SHQ1: variants seen among roughly 807,000 people sequenced by gnomAD.
The protein encoded by SHQ1 is SHQ1, H/ACA ribonucleoprotein assembly factor.
In SHQ1, 49 loss-of-function variants were observed where a neutral mutation model predicts 53.8. The observed-to-expected ratio is 0.91, with a 90% CI of 0.72 to 1.16. SHQ1 has a LOEUF of 1.16. SHQ1 is among the 50% of genes most tolerant of loss of function. SHQ1 has a pLI of 0.00. For synonymous variants in SHQ1, 243 were observed against 251.0 expected (o/e 0.97, Z 0.30); for missense variants, 738 against 683.1 (o/e 1.08, Z -0.90).
At chr3:72,846,059 G>GT (rs1485420879) in intron 1 of SHQ1, among the ~76,000 whole-genome samples, 1 of 152,066 alleles carries the variant, frequency 6.6e-6, no homozygotes, top group African/African-American at 2.4e-5. Flanking sequence ...CTATCCAAGC[G>GT]TTACTATGAG....
intron 9 of SHQ1, among the ~76,000 whole-genome samples, chr3:72,803,578 G>C (rs1437629151): frequency 3.9e-5 from 6 of 152,158 alleles, no homozygotes; most frequent in Non-Finnish European, 1.5e-5. Flanking sequence ...CCCTACAAAA[G>C]GGCTCCCCTC....
At chr3:72,729,013 A>G in the SHQ1 span, among the ~76,000 whole-genome samples, 1 of 152,206 alleles carries the variant, frequency 6.6e-6, no homozygotes, top group East Asian at 1.9e-4. Context: ...GACAAACCTC[A>G]CGTCCCATCT....
At chr3:72,752,881 T>A (rs1204891603) in intron 10 of SHQ1, 1 of 573,948 alleles carries the variant, frequency 1.7e-6, no homozygotes, top group Non-Finnish European at 2.2e-6. Flanking sequence ...GCCGAGATGG[T>A]CTTGATCTCC....
At chr3:72,813,051 A>G (rs940299771) in intron 8 of SHQ1, among the ~76,000 whole-genome samples, 5 of 152,260 alleles carry the variant, frequency 3.3e-5, no homozygotes, top group Non-Finnish European at 5.9e-5. Context: ...ATAAAGTCCT[A>G]AAGATTACAA....
chr3:72,762,421 T>C (rs1489378994), intron 10 of SHQ1, among the ~76,000 whole-genome samples: 1 of 152,166 alleles, frequency 6.6e-6, no homozygotes, highest in Non-Finnish European at 1.5e-5. Context: ...CCAGATCAAA[T>C]TCACAGAGAT....
At chr3:72,822,969 G>A (rs539667651) in intron 6 of SHQ1, among the ~76,000 whole-genome samples, 5 of 152,188 alleles carry the variant, frequency 3.3e-5, no homozygotes, top group African/African-American at 1.2e-4. Flanking sequence ...CTAACAGGGT[G>A]AAACCCCGTC....
chr3:72,771,360 G>A (rs1027360473), intron 10 of SHQ1, among the ~76,000 whole-genome samples: 4 of 152,200 alleles, frequency 2.6e-5, no homozygotes, highest in Non-Finnish European at 5.9e-5. Context: ...TTAGTAACAG[G>A]TGGATGGGAT....
intron 6 of SHQ1, 22 bp downstream of exon 6, chr3:72,824,402 T>G (rs1455346548): frequency 6.2e-7 from 1 of 1,608,444 alleles, no homozygotes; most frequent in Non-Finnish European, 8.5e-7. Context: ...TGAAACAAAT[T>G]AGCCGAATTT....
intron 8 of SHQ1, among the ~76,000 whole-genome samples, chr3:72,813,459 C>T (rs1455555987): frequency 1.7e-4 from 23 of 132,146 alleles, no homozygotes; most frequent in African/African-American, 6.7e-4. Context: ...GAGTGAGACT[C>T]CATCTCAAAA....
the SHQ1 span, among the ~76,000 whole-genome samples, chr3:72,742,819 G>A: frequency 1.3e-5 from 2 of 151,962 alleles, no homozygotes; most frequent in Non-Finnish European, 2.9e-5. Flanking sequence ...TAGAGATGGG[G>A]TTTTGCCATG....
At chr3:72,773,494 A>AAAAAAAAAAAAAAG in intron 10 of SHQ1, 1 of 263,442 alleles carries the variant, frequency 3.8e-6, no homozygotes, top group African/African-American at 2.4e-5. Context: ...AAAAAAAAAA[A>AAAAAAAAAAAAAAG]AAAGAAAAAA....
rs371779807 is a variant in SHQ1 at position 72,751,508 on chromosome 3, GTATATA to G, written c.1182-678_1182-673del. 7.0e-4 allele frequency among the ~76,000 whole-genome samples: 82 copies of G among 116,978 alleles called. No individual in the cohort carries two copies. The East Asian group carries it at 0.016, about 23-fold the overall frequency. The allele number at this position is 116,978 out of a possible 152,430, so 76.7% of individuals were successfully genotyped here. On this transcript the variant is annotated intron_variant, in intron 10 of 10. Transcript: ENST00000325599. ...TGTGTGTGTGTGTGTGTGTGTGTGT[GTATATA>G]TATATATATATATATACATATACAT...
At chr3:72,842,156 A>T in intron 3 of SHQ1, 124 bp downstream of exon 3, 1 of 1,021,356 alleles carries the variant, frequency 9.8e-7, no homozygotes, top group Non-Finnish European at 1.4e-6. Flanking sequence ...GTTTCACATG[A>T]TCACCTTATA....
the SHQ1 span, among the ~76,000 whole-genome samples, chr3:72,733,367 T>A: frequency 1.3e-5 from 2 of 151,302 alleles, no homozygotes; most frequent in Admixed American, 6.6e-5. Flanking sequence ...TCAAAAAGCA[T>A]GGATTGAGTC....
At chr3:72,844,118 T>C (rs934622865) in intron 2 of SHQ1, among the ~76,000 whole-genome samples, 3 of 152,200 alleles carry the variant, frequency 2.0e-5, no homozygotes, top group African/African-American at 7.2e-5. Flanking sequence ...GGAAGTACTC[T>C]AGGAAATAGA....
chr3:72,799,300 A>T (rs569730717), intron 9 of SHQ1, among the ~76,000 whole-genome samples: 3 of 152,346 alleles, frequency 2.0e-5, no homozygotes, highest in African/African-American at 7.2e-5. Flanking sequence ...TTAAAATACA[A>T]AACTTAGTAT....
chr3:72,802,743 C>A (rs1706827277), intron 9 of SHQ1, among the ~76,000 whole-genome samples: 1 of 152,242 alleles, frequency 6.6e-6, no homozygotes. Context: ...CCCTATTAAT[C>A]CCTCCTCCCA....
At chr3:72,836,404 G>A (rs1278510923) in intron 4 of SHQ1, among the ~76,000 whole-genome samples, 1 of 152,144 alleles carries the variant, frequency 6.6e-6, no homozygotes, top group African/African-American at 2.4e-5. Flanking sequence ...CAGGAAAATG[G>A]GGTGAACCCG....
intron 9 of SHQ1, chr3:72,793,286 T>C (rs559590894): frequency 1.0e-5 from 3 of 288,854 alleles, no homozygotes; most frequent in East Asian, 1.8e-4. Flanking sequence ...GGCGGGCAGA[T>C]CACGAGGTCA....
Sources: allele counts gnomAD v4.1 joint callset (sites outside exome capture counted in the v4.1 genomes callset), GRCh38; gene constraint gnomAD v4.1.1; transcripts MANE v1.5; gene names NCBI Gene and HGNC (gene_info 2026-07-23, HGNC 2026-07-21).